ZHX2: variants seen among roughly 807,000 people sequenced by gnomAD.
ZHX2 encodes the protein zinc fingers and homeoboxes 2.
A neutral mutation model predicts 21.9 loss-of-function variants in ZHX2; 6 were observed. That is an observed-to-expected ratio of 0.27 (90% CI 0.15 to 0.54). The LOEUF (loss-of-function observed/expected upper bound fraction) is 0.54, where lower values mean the gene tolerates loss of function less well. ZHX2 is among the 20% of genes least tolerant of loss of function. ZHX2 has a pLI of 0.95. For missense variants in ZHX2, 908 were observed against 1,090.7 expected (o/e 0.83, Z 2.36); for synonymous variants, 434 against 437.1 (o/e 0.99, Z 0.09).
intron 1 of ZHX2, among the ~76,000 whole-genome samples, chr8:122,810,209 T>G (rs1056571143): frequency 1.3e-5 from 2 of 152,234 alleles, no homozygotes; most frequent in African/African-American, 2.4e-5. Context: ...GCACAGCCAC[T>G]TATGAGCTGC....
At chr8:122,972,629 G>A (rs17370786) in intron 3 of ZHX2, among the ~76,000 whole-genome samples, 7,343 of 152,094 alleles carry the variant, frequency 0.048, 241 homozygotes, top group Admixed American at 0.11. Flanking sequence ...ATCCTACCAC[G>A]TTTGGAAAAG....
chr8:122,814,524 A>G (rs1393139481), intron 1 of ZHX2, among the ~76,000 whole-genome samples: 1 of 152,236 alleles, frequency 6.6e-6, no homozygotes, highest in Non-Finnish European at 1.5e-5. Context: ...GCCTTGGATT[A>G]GTTAGATCAG....
intron 2 of ZHX2, among the ~76,000 whole-genome samples, chr8:122,937,933 G>GGTTTTT (rs766061609): frequency 2.7e-5 from 2 of 73,352 alleles, no homozygotes; most frequent in Non-Finnish European, 4.7e-5. Context: ...TTTCTTTTTG[G>GGTTTTT]TTTTTTTTTT....
At chr8:122,916,870 C>T (rs1482046797) in intron 2 of ZHX2, among the ~76,000 whole-genome samples, 1 of 152,018 alleles carries the variant, frequency 6.6e-6, no homozygotes, top group East Asian at 1.9e-4. Context: ...GTCTCCTGAC[C>T]TCCATCCACC....
chr8:122,803,305 G>A (rs916577843), intron 1 of ZHX2, among the ~76,000 whole-genome samples: 1 of 152,102 alleles, frequency 6.6e-6, no homozygotes, highest in Non-Finnish European at 1.5e-5. Context: ...CCCCGGCCCC[G>A]CCTCAGAGGT....
intron 1 of ZHX2, among the ~76,000 whole-genome samples, chr8:122,861,940 G>T (rs1819177640): frequency 6.6e-6 from 1 of 152,176 alleles, no homozygotes; most frequent in African/African-American, 2.4e-5. Flanking sequence ...GTTCTAAAGG[G>T]CAGTGGACAA....
intron 1 of ZHX2, among the ~76,000 whole-genome samples, chr8:122,817,887 A>T (rs1818068019): frequency 2.6e-5 from 4 of 152,190 alleles, no homozygotes. Flanking sequence ...CTCCTCTAGG[A>T]TCAGGCCAAA....
chr8:122,858,815 A>G (rs1211798331), intron 1 of ZHX2, among the ~76,000 whole-genome samples: 1 of 151,552 alleles, frequency 6.6e-6, no homozygotes, highest in Admixed American at 6.6e-5. Context: ...TAATTTTTGT[A>G]TTTTTAGTAG....
At chr8:122,846,295 G>A (rs1000027319) in intron 1 of ZHX2, among the ~76,000 whole-genome samples, 1 of 152,202 alleles carries the variant, frequency 6.6e-6, no homozygotes, top group Non-Finnish European at 1.5e-5. Context: ...CTTTTGCAAA[G>A]AGTCAGGTTC....
intron 2 of ZHX2, among the ~76,000 whole-genome samples, chr8:122,897,210 G>T (rs755463504): frequency 6.6e-6 from 1 of 152,132 alleles, no homozygotes; most frequent in Non-Finnish European, 1.5e-5. Context: ...TTAAAATTCC[G>T]GTGTCTCACA....
At position 122,953,640 on chromosome 8, in the gene ZHX2, G is replaced by A. The variant is rs1251589516; in HGVS notation, c.2130G>A (p.Arg710=). The A allele has an allele frequency of 1.2e-6, 2 of 1,614,238 alleles. No homozygotes were observed. The highest frequency in any genetic ancestry group is 1.1e-5 in the South Asian group (1 of 91,092). Reference sequence around the variant, plus strand: ...ATCACGGCTACGATGCCGTAGCAAGGAAAGCAACAAAACCCATGGCCGAGA... The same window carrying A: ...ATCACGGCTACGATGCCGTAGCAAGAAAAGCAACAAAACCCATGGCCGAGA... ...ADDHGYDAVA[R]KATKPMAESP... The change falls in exon 3 of 4, where the codon AGG becomes AGA. Residue 710 remains arginine (R), a synonymous_variant. Coordinates refer to ENST00000314393, the MANE Select transcript of ZHX2 (RefSeq NM_014943.5). This position sits in a 1 kb window ranked among gnomAD's most constrained non-coding sequence, Gnocchi z 4.6.
chr8:122,856,179 G>A (rs1406548978), intron 1 of ZHX2, among the ~76,000 whole-genome samples: 2 of 152,234 alleles, frequency 1.3e-5, no homozygotes, highest in African/African-American at 4.8e-5. Context: ...AAGCTCTTGT[G>A]TGGTAGAAAT....
intron 2 of ZHX2, among the ~76,000 whole-genome samples, chr8:122,941,017 C>G (rs990602382): frequency 6.6e-6 from 1 of 150,506 alleles, no homozygotes; most frequent in South Asian, 2.1e-4. Context: ...ATCACTTGAG[C>G]TCAGGAGTTC....
chr8:122,897,917 G>C (rs188468038), intron 2 of ZHX2, among the ~76,000 whole-genome samples: 1 of 152,294 alleles, frequency 6.6e-6, no homozygotes, highest in Non-Finnish European at 1.5e-5. Flanking sequence ...TTTTGGCTTA[G>C]AGGCCTCAAG....
chr8:122,783,062 G>C (rs1817325586), intron 1 of ZHX2, among the ~76,000 whole-genome samples: 2 of 152,198 alleles, frequency 1.3e-5, no homozygotes, highest in African/African-American at 4.8e-5. Flanking sequence ...GGAGGAGGAG[G>C]TGGAGGCGGC....
intron 2 of ZHX2, among the ~76,000 whole-genome samples, chr8:122,873,105 T>C (rs1017169251): frequency 6.6e-6 from 1 of 151,934 alleles, no homozygotes; most frequent in African/African-American, 2.4e-5. Flanking sequence ...CAAGAATGGG[T>C]GGTGAGGAAA....
At chr8:122,824,556 A>C (rs906746867) in intron 1 of ZHX2, among the ~76,000 whole-genome samples, 1 of 152,214 alleles carries the variant, frequency 6.6e-6, no homozygotes, top group African/African-American at 2.4e-5. Context: ...AAGTGTCAGA[A>C]CTGGAATGTA....
In ZHX2 at chr8:122,892,715, C is replaced by T. The variant is rs140067711; in HGVS notation, c.-220+29176C>T. Among the ~76,000 whole-genome samples, 288 of 152,196 alleles carry T rather than the reference C, an allele frequency of 1.9e-3. 2 individuals carry two copies. Among genetic ancestry groups the T allele is most frequent in the Admixed American group, 2.9e-3 (45 of 15,282 alleles). On this transcript the variant is annotated intron_variant, in intron 2 of 3. Coordinates refer to ENST00000314393, the MANE Select transcript of ZHX2 (RefSeq NM_014943.5). ...TATTTATTTTTTTGAGACAGAGTCT[C>T]GCACTGTCGCCTGGGCTGGAGTGCA...
chr8:122,958,448 A>G (rs762583996), intron 3 of ZHX2, among the ~76,000 whole-genome samples: 7 of 152,236 alleles, frequency 4.6e-5, no homozygotes, highest in African/African-American at 7.2e-5. Flanking sequence ...GTCAAATGGA[A>G]TATTCCGTTA....
Sources: gnomAD v4.1 joint callset for allele counts (sites outside exome capture counted in the v4.1 genomes callset) on GRCh38, gnomAD v4.1.1 for gene constraint, Gnocchi (gnomAD v3.1) non-coding constraint, MANE v1.5 for transcripts, NCBI Gene and HGNC (gene_info 2026-07-23, HGNC 2026-07-21) for gene names.